TMCO5A: variants seen among roughly 807,000 people sequenced by gnomAD.
TMCO5A encodes transmembrane and coiled-coil domain-containing protein 5A.
A neutral mutation model predicts 42.3 loss-of-function variants in TMCO5A; 34 were observed. That is an observed-to-expected ratio of 0.80 (90% CI 0.61 to 1.07). The LOEUF (loss-of-function observed/expected upper bound fraction) is 1.07. Ranked by LOEUF, TMCO5A falls within the 50% of genes least tolerant of loss-of-function variation. The pLI is 0.00. For missense variants in TMCO5A, 357 were observed against 327.9 expected (o/e 1.09, Z -0.69); for synonymous variants, 131 against 115.6 (o/e 1.13, Z -0.86).
At chr15:37,989,288 A>T in the TMCO5A span, among the ~76,000 whole-genome samples, 1 of 151,748 alleles carries the variant, frequency 6.6e-6, no homozygotes, top group Admixed American at 6.6e-5. Flanking sequence ...AATTTTCTCT[A>T]TTATTAAACA....
intron 5 of TMCO5A, among the ~76,000 whole-genome samples, chr15:37,937,608 A>G (rs1400369781): frequency 6.6e-6 from 1 of 152,114 alleles, no homozygotes; most frequent in Non-Finnish European, 1.5e-5. Context: ...AAAGGAATGG[A>G]TGGAATATTT....
At chr15:37,954,344 T>A (rs1234411859), downstream of TMCO5A, among the ~76,000 whole-genome samples, 1 of 152,146 alleles carries the variant, frequency 6.6e-6, no homozygotes, top group Non-Finnish European at 1.5e-5. Flanking sequence ...AGCTGTAATA[T>A]ATCTGGCAGC....
the TMCO5A span, among the ~76,000 whole-genome samples, chr15:38,014,853 T>TTA: frequency 0.06 from 3,201 of 53,488 alleles, 267 homozygotes; most frequent in Non-Finnish European, 0.07. Context: ...AGGAGAAAGA[T>TTA]TATATATATA....
chr15:37,967,931 G>A (rs1221395548), downstream of TMCO5A, among the ~76,000 whole-genome samples: 1 of 152,152 alleles, frequency 6.6e-6, no homozygotes, highest in Non-Finnish European at 1.5e-5. Context: ...CCTACACAAC[G>A]TGGTCAAGTA....
At chr15:37,997,135 C>A in the TMCO5A span, among the ~76,000 whole-genome samples, 4 of 151,962 alleles carry the variant, frequency 2.6e-5, no homozygotes, top group Admixed American at 1.3e-4. Flanking sequence ...GTCATAAGTT[C>A]TGGGAGAAAA....
the TMCO5A span, among the ~76,000 whole-genome samples, chr15:38,006,909 GTC>G: frequency 1.3e-5 from 2 of 151,364 alleles, no homozygotes; most frequent in African/African-American, 4.9e-5. Flanking sequence ...AAGTCATACA[GTC>G]TCTGTCACAA....
At chr15:37,964,529 C>G (rs1890511256) in intron 11 of TMCO5A, among the ~76,000 whole-genome samples, 1 of 152,012 alleles carries the variant, frequency 6.6e-6, no homozygotes, top group South Asian at 2.1e-4. Context: ...TGCTTCTCTC[C>G]CTGTCTGAGT....
chr15:38,029,197 C>T, the TMCO5A span, among the ~76,000 whole-genome samples: 3 of 152,070 alleles, frequency 2.0e-5, no homozygotes, highest in African/African-American at 7.2e-5. Context: ...TTATTTGGCT[C>T]TCTGTGTTTA....
the TMCO5A span, among the ~76,000 whole-genome samples, chr15:38,036,527 C>A: frequency 6.7e-6 from 1 of 149,890 alleles, no homozygotes; most frequent in Non-Finnish European, 1.5e-5. Context: ...CACACACACA[C>A]TCTACACACT....
the TMCO5A span, among the ~76,000 whole-genome samples, chr15:38,007,282 T>A: frequency 6.6e-6 from 1 of 152,160 alleles, no homozygotes; most frequent in African/African-American, 2.4e-5. Context: ...TAAAATGAGA[T>A]AAATACACTA....
the TMCO5A span, among the ~76,000 whole-genome samples, chr15:38,030,644 G>A: frequency 6.6e-6 from 1 of 152,108 alleles, no homozygotes; most frequent in Admixed American, 6.5e-5. Context: ...GACCTGACGT[G>A]ACCCTGATAA....
chr15:37,941,239 A>G, intron 7 of TMCO5A, 34 bp downstream of exon 7: 3 of 1,598,816 alleles, frequency 1.9e-6, no homozygotes, highest in African/African-American at 1.3e-5. Flanking sequence ...ACTTCTCCCC[A>G]AAAAGGGAAA....
At chr15:37,949,098 T>C (rs981851477) in intron 11 of TMCO5A, among the ~76,000 whole-genome samples, 2 of 151,870 alleles carry the variant, frequency 1.3e-5, no homozygotes, top group Non-Finnish European at 2.9e-5. Flanking sequence ...GGTTTCCTCA[T>C]GCAATTCATA....
chr15:37,998,275 C>T, the TMCO5A span, among the ~76,000 whole-genome samples: 1 of 152,152 alleles, frequency 6.6e-6, no homozygotes, highest in Non-Finnish European at 1.5e-5. Flanking sequence ...AATTTTTGCC[C>T]AGACAAATGT....
At chr15:38,018,369 T>A in the TMCO5A span, among the ~76,000 whole-genome samples, 1 of 152,154 alleles carries the variant, frequency 6.6e-6, no homozygotes, top group Non-Finnish European at 1.5e-5. Flanking sequence ...CAGAGAGAGT[T>A]AAGTGGCCAT....
At chr15:37,968,912 G>A (rs971666442), downstream of TMCO5A, among the ~76,000 whole-genome samples, 3 of 152,064 alleles carry the variant, frequency 2.0e-5, no homozygotes, top group Non-Finnish European at 4.4e-5. Flanking sequence ...TTATTTATCA[G>A]AATGATAAGT....
At chr15:37,954,920 T>C (rs542609049), downstream of TMCO5A, among the ~76,000 whole-genome samples, 302 of 151,942 alleles carry the variant, frequency 2.0e-3, 2 homozygotes, top group African/African-American at 6.7e-3. Context: ...GCTAACCTCA[T>C]GGTAATCTCA....
At chr15:37,938,123 T>A in intron 5 of TMCO5A, 35 bp from the exon 6 acceptor site, 1 of 1,528,278 alleles carries the variant, frequency 6.5e-7, no homozygotes, top group Non-Finnish European at 8.9e-7. Flanking sequence ...CTTCTACACC[T>A]TTTAATTTAG....
intron 11 of TMCO5A, among the ~76,000 whole-genome samples, chr15:37,947,964 GTAAAAGAGATGTGGCAGAT>G (rs1444146427): frequency 1.3e-5 from 2 of 152,086 alleles, no homozygotes; most frequent in Non-Finnish European, 2.9e-5. Context: ...ATTTGATTAT[GTAAAAGAGATGTGGCAGAT>G]CTCTTATTTA....
Sources: allele counts gnomAD v4.1 joint callset (sites outside exome capture counted in the v4.1 genomes callset), GRCh38; gene constraint gnomAD v4.1.1; transcripts MANE v1.5; gene names NCBI Gene and HGNC (gene_info 2026-07-23, HGNC 2026-07-21).